KLF12: variants seen among roughly 807,000 people sequenced by gnomAD.
KLF12 encodes Krueppel-like factor 12.
A neutral mutation model predicts 37.8 loss-of-function variants in KLF12; 9 were observed. The observed-to-expected ratio is 0.24, with a 90% CI of 0.14 to 0.42. The LOEUF is 0.42. KLF12 is among the 10% of genes least tolerant of loss of function. The probability of loss-of-function intolerance (pLI) is 1.00; values close to 1 mark genes in which losing one functional copy is unlikely to be tolerated. For synonymous variants in KLF12, 208 were observed against 202.1 expected, an observed-to-expected ratio of 1.03 and a Z score of -0.25; for missense variants, 411 against 516.0, an observed-to-expected ratio of 0.80 and a Z score of 1.97.
the KLF12 span, among the ~76,000 whole-genome samples, chr13:74,222,130 G>T: frequency 1.3e-5 from 2 of 151,950 alleles, no homozygotes; most frequent in African/African-American, 4.8e-5. Context: ...TGACCCTCAC[G>T]TTCTCCCTTC....
chr13:73,955,719 C>G (rs146994772), intron 2 of KLF12, among the ~76,000 whole-genome samples: 28 of 152,282 alleles, frequency 1.8e-4, no homozygotes, highest in African/African-American at 6.7e-4. Flanking sequence ...ATTTAACAAA[C>G]AGATTACTGG....
chr13:73,876,160 A>T (rs1008350633), intron 3 of KLF12, among the ~76,000 whole-genome samples: 53 of 152,318 alleles, frequency 3.5e-4, no homozygotes, highest in Admixed American at 7.2e-4. Context: ...AATAAAAAAA[A>T]AAAAAAAAGG....
chr13:74,268,916 G>A, the KLF12 span, among the ~76,000 whole-genome samples: 1 of 152,184 alleles, frequency 6.6e-6, no homozygotes, highest in South Asian at 2.1e-4. Flanking sequence ...TTATAGTGCT[G>A]TCTGGGGTGA....
intron 1 of KLF12, among the ~76,000 whole-genome samples, chr13:74,055,762 TA>T (rs773187470): frequency 6.6e-6 from 1 of 152,182 alleles, no homozygotes; most frequent in Non-Finnish European, 1.5e-5. Flanking sequence ...CAATTTACCC[TA>T]AACACTGAGT....
chr13:74,269,830 T>A, the KLF12 span, among the ~76,000 whole-genome samples: 1 of 152,310 alleles, frequency 6.6e-6, no homozygotes, highest in African/African-American at 2.4e-5. Context: ...AATGAGCCGC[T>A]CATGCCAGGG....
chr13:73,719,448 T>C (rs1055763037), intron 6 of KLF12, among the ~76,000 whole-genome samples: 1 of 151,114 alleles, frequency 6.6e-6, no homozygotes, highest in Non-Finnish European at 1.5e-5. Context: ...GTTTGCTAAA[T>C]AGAATAAATG....
chr13:74,143,101 TCTC>T, the KLF12 span, among the ~76,000 whole-genome samples: 5 of 149,868 alleles, frequency 3.3e-5, no homozygotes, highest in South Asian at 2.1e-4. Flanking sequence ...TTCTTCTTGT[TCTC>T]CTCCTCCTCC....
chr13:73,743,022 TA>T (rs61569247), intron 6 of KLF12, among the ~76,000 whole-genome samples: 136 of 147,592 alleles, frequency 9.2e-4, no homozygotes, highest in Middle Eastern at 3.5e-3. Context: ...TCTTCGGGAT[TA>T]AAAAAAAAAA....
intron 1 of KLF12, among the ~76,000 whole-genome samples, chr13:74,085,280 A>G (rs1428577672): frequency 1.3e-5 from 2 of 152,216 alleles, no homozygotes; most frequent in African/African-American, 4.8e-5. Flanking sequence ...ACCTGCCCCA[A>G]GGGTCATATA....
At chr13:73,899,751 A>G (rs1340520307) in intron 3 of KLF12, among the ~76,000 whole-genome samples, 1 of 152,146 alleles carries the variant, frequency 6.6e-6, no homozygotes, top group East Asian at 1.9e-4. Context: ...GCTCCCAGAT[A>G]TCAGCACTCC....
the KLF12 span, among the ~76,000 whole-genome samples, chr13:74,154,071 C>A: frequency 2.1e-5 from 3 of 146,240 alleles, no homozygotes; most frequent in Admixed American, 6.8e-5. Flanking sequence ...AGTAAAATAC[C>A]AAAAAAAAAA....
At chr13:74,195,810 C>T in the KLF12 span, among the ~76,000 whole-genome samples, 3 of 152,086 alleles carry the variant, frequency 2.0e-5, no homozygotes, top group African/African-American at 7.2e-5. Flanking sequence ...TCTCGAACTC[C>T]TGACCTCAAA....
chr13:73,722,343 T>C (rs546163115), intron 6 of KLF12, among the ~76,000 whole-genome samples: 7 of 152,342 alleles, frequency 4.6e-5, no homozygotes, highest in Middle Eastern at 3.4e-3. Context: ...CATTTCTTTG[T>C]AGGCTTTCCC....
At chr13:74,265,308 C>T in the KLF12 span, among the ~76,000 whole-genome samples, 857 of 152,228 alleles carry the variant, frequency 5.6e-3, 5 homozygotes, top group African/African-American at 0.019. Context: ...GCCATTTATT[C>T]GTGCTTTCCC....
chr13:74,054,417 C>A (rs1350467786), intron 1 of KLF12, among the ~76,000 whole-genome samples: 2 of 152,148 alleles, frequency 1.3e-5, no homozygotes, highest in Non-Finnish European at 2.9e-5. Flanking sequence ...GGAGAGTCAG[C>A]TCACCATGAC....
chr13:73,845,049 T>G (rs1370523066), intron 4 of KLF12: 1 of 152,066 alleles, frequency 6.6e-6, no homozygotes, highest in Non-Finnish European at 1.5e-5. Flanking sequence ...AAAAAAGAAC[T>G]TAGAAGAAGA....
At chr13:73,910,202 AATCT>A (rs1375364687) in intron 3 of KLF12, among the ~76,000 whole-genome samples, 29 of 152,262 alleles carry the variant, frequency 1.9e-4, no homozygotes, top group African/African-American at 7.0e-4. Context: ...AAATTAACAC[AATCT>A]ATTTAATATT....
chr13:74,221,607 A>AT, the KLF12 span, among the ~76,000 whole-genome samples: 8 of 151,724 alleles, frequency 5.3e-5, no homozygotes, highest in African/African-American at 1.5e-4. Context: ...CTATTACTCT[A>AT]TTTTTTCTTT....
the KLF12 span, among the ~76,000 whole-genome samples, chr13:74,203,881 A>T: frequency 3.3e-5 from 5 of 152,034 alleles, no homozygotes; most frequent in South Asian, 2.1e-4. Context: ...GTCCCCCAAG[A>T]CTCTGTTTTG....
Sources: allele counts gnomAD v4.1 joint callset (sites outside exome capture counted in the v4.1 genomes callset), GRCh38; gene constraint gnomAD v4.1.1; transcripts MANE v1.5; gene names NCBI Gene and HGNC (gene_info 2026-07-23, HGNC 2026-07-21).